AMOT: variants seen among roughly 807,000 people sequenced by gnomAD.
The protein encoded by AMOT is angiomotin.
Under a neutral mutation model 67.0 loss-of-function variants are expected in AMOT, and 11 were observed. The observed-to-expected ratio is 0.16, with a 90% CI of 0.10 to 0.27. AMOT has a LOEUF of 0.27. Among genes scored for constraint, AMOT ranks in the 10% least tolerant of loss-of-function variants. The pLI, the probability that AMOT is intolerant of heterozygous loss-of-function variation, is 1.00. For synonymous variants in AMOT, 326 were observed against 321.4 expected, an observed-to-expected ratio of 1.01 and a Z score of -0.15; for missense variants, 753 against 852.0, an observed-to-expected ratio of 0.88 and a Z score of 1.45.
At chrX:112,786,798 T>C (rs1933375118) in intron 10 of AMOT, among the ~76,000 whole-genome samples, 1 of 112,449 alleles carries the variant, frequency 8.9e-6, no homozygotes, top group Non-Finnish European at 1.9e-5. Flanking sequence ...ATTATCTAAA[T>C]AAAATGAAAG....
At chrX:112,795,246 C>CG (rs1933763484) in intron 8 of AMOT, among the ~76,000 whole-genome samples, 1 of 93,049 alleles carries the variant, frequency 1.1e-5, no homozygotes, top group African/African-American at 5.2e-5. Flanking sequence ...CTGTCTCTCT[C>CG]TCTGTGTGTG....
At chrX:112,802,791 G>C (rs1934055655) in intron 8 of AMOT, among the ~76,000 whole-genome samples, 1 of 112,351 alleles carries the variant, frequency 8.9e-6, no homozygotes, top group Non-Finnish European at 1.9e-5. Flanking sequence ...AAATCTCCAG[G>C]ACTAATGCCC....
At chrX:112,788,146 A>G (rs1277513321) in intron 10 of AMOT, among the ~76,000 whole-genome samples, 2 of 110,162 alleles carry the variant, frequency 1.8e-5, no homozygotes, top group African/African-American at 3.3e-5. Context: ...AAAATTAGCC[A>G]GGCGTGGTGG....
At chrX:112,786,603 T>C (rs1417855878) in intron 10 of AMOT, among the ~76,000 whole-genome samples, 1 of 112,118 alleles carries the variant, frequency 8.9e-6, no homozygotes, top group Non-Finnish European at 1.9e-5. Flanking sequence ...ATTTATAATA[T>C]TTCCAGGTAA....
At chrX:112,788,749 A>G (rs1031233836) in intron 10 of AMOT, among the ~76,000 whole-genome samples, 1 of 112,444 alleles carries the variant, frequency 8.9e-6, no homozygotes, top group Non-Finnish European at 1.9e-5. Context: ...CTGTGGAACT[A>G]TTGGAAAGTG....
Position 112,815,798 on chromosome X carries a change from C to A in AMOT, c.952G>T (p.Gly318Trp), listed in dbSNP as rs1368130180. 13 of 1,164,782 alleles carry A rather than the reference C, an allele frequency of 1.1e-5. No individual in the cohort carries two copies. The highest frequency in any genetic ancestry group is 1.8e-5 in the African/African-American group (1 of 55,224). Residue 318 changes from glycine to tryptophan, a missense_variant, in exon 5 of 14, where the codon GGG becomes TGG. Coordinates refer to ENST00000371959, the MANE Select transcript of AMOT (RefSeq NM_001113490.2). ...GGAGATTGTAGCAAGGGCAAGGACC[C>A]CCCAGAGGTCAGAGAAGAAGTAGGG... The part of the protein sequence containing the change: ...HSPTSSLTSG[G>W]SLPLLQSPPS...
intron 8 of AMOT, among the ~76,000 whole-genome samples, chrX:112,794,675 A>G (rs768526916): frequency 8.9e-6 from 1 of 112,439 alleles, no homozygotes; most frequent in Admixed American, 9.4e-5. Flanking sequence ...CTCCACTACT[A>G]TCTTGAACAT....
rs1602763476 is a variant in AMOT, at chrX:112,790,732, T to C, written c.1977A>G (p.Ala659=). The change falls in exon 10 of 14, where the codon GCA becomes GCG. Residue 659 remains alanine, a synonymous_variant. Coordinates refer to ENST00000371959, the MANE Select transcript of AMOT (RefSeq NM_001113490.2). The part of the protein sequence containing the change: ...PTNVSEYNAA[A]LMELLREKEE... ...CTTTCTCCCGAAGGAGCTCCATCAG[T>C]GCAGCAGCATTGTATTCTGAAACGT... 5.0e-6 allele frequency: 6 copies of C among 1,205,896 alleles called. No homozygotes were observed. The highest frequency in any genetic ancestry group is 1.8e-5 in the South Asian group (1 of 55,472).
chrX:112,779,376 G>GGCAGCAGCAGCAGCTGGAGCA lies in AMOT; in HGVS notation c.2757_2777dup (p.Ala920_Ala926dup), dbSNP rs1933046503. ...TAGCAGCGGCAGTGGCTGGAGACGG[G>GGCAGCAGCAGCAGCTGGAGCA]GCAGCAGCAGCAGCTGGAGCAGCAG... On this transcript the variant is annotated inframe_insertion, in exon 13 of 14. Transcript: ENST00000371959. The GGCAGCAGCAGCAGCTGGAGCA allele has an allele frequency of 6.0e-6, 6 of 1,008,115 alleles. No homozygotes were observed. The highest frequency in any genetic ancestry group is 6.6e-5 in the East Asian group (2 of 30,133). The allele number at this position is 1,008,115 out of a possible 1,213,427, so 83.1% of individuals were successfully genotyped here.
chrX:112,793,811 T>C (rs1933700972), intron 8 of AMOT, among the ~76,000 whole-genome samples: 2 of 112,116 alleles, frequency 1.8e-5, no homozygotes, highest in Non-Finnish European at 3.8e-5. Context: ...TCAAACTCTT[T>C]ACCTCAGTAA....
chrX:112,804,830 T>A, intron 8 of AMOT, 117 bp downstream of exon 8: 2 of 1,008,992 alleles, frequency 2.0e-6, no homozygotes, highest in Non-Finnish European at 2.7e-6. Flanking sequence ...GAGCAGCAGA[T>A]GGCACCTCCC....
At chrX:112,829,641 C>T (rs1934937079) in intron 2 of AMOT, among the ~76,000 whole-genome samples, 1 of 112,622 alleles carries the variant, frequency 8.9e-6, no homozygotes, top group Non-Finnish European at 1.9e-5. Context: ...TTAAGAACCA[C>T]AGCAAGGCCT....
At chrX:112,793,372 C>T (rs1933683498) in intron 8 of AMOT, among the ~76,000 whole-genome samples, 1 of 112,041 alleles carries the variant, frequency 8.9e-6, no homozygotes, top group South Asian at 3.7e-4. Flanking sequence ...ACCCACCCTA[C>T]CAGCATTGCC....
Position 112,823,424 on chromosome X carries a change from A to C in AMOT, c.-62-236T>G, listed in dbSNP as rs187301125. On this transcript the variant is annotated intron_variant, in intron 3 of 13. Transcript: ENST00000371959. Reference sequence around the variant, plus strand: ...ACTTTTAGCATGAGTTAAATATTCAATCTGGACTTAACTCCTAAGAATGCT... The same window carrying C: ...ACTTTTAGCATGAGTTAAATATTCACTCTGGACTTAACTCCTAAGAATGCT... Among the ~76,000 whole-genome samples, 458 of 111,826 alleles carry C rather than the reference A, an allele frequency of 4.1e-3. 1 individual carries two copies. The highest frequency in any genetic ancestry group is 0.014 in the African/African-American group (444 of 30,722).
intron 8 of AMOT, among the ~76,000 whole-genome samples, chrX:112,797,450 G>T (rs1720902691): frequency 9.0e-6 from 1 of 111,317 alleles, no homozygotes; most frequent in Admixed American, 9.6e-5. Context: ...CCTATAGACA[G>T]CTGCTATAAC....
chrX:112,810,318 T>C (rs1934319269), intron 6 of AMOT, among the ~76,000 whole-genome samples: 1 of 112,110 alleles, frequency 8.9e-6, no homozygotes, highest in Non-Finnish European at 1.9e-5. Flanking sequence ...TATTATAAAG[T>C]ATTTAAACTC....
chrX:112,825,430 G>C (rs1218280754), intron 2 of AMOT, among the ~76,000 whole-genome samples: 1 of 111,663 alleles, frequency 9.0e-6, no homozygotes, highest in Admixed American at 9.5e-5. Flanking sequence ...GGCCAGGCCA[G>C]TCTCCAGTGA....
rs932092543 is a variant in AMOT, at chrX:112,777,987, G to A, written c.*580C>T. On this transcript the variant is annotated 3_prime_UTR_variant, in exon 14 of 14. Transcript: ENST00000371959. ...CACAATTCCCTGGGGCAGGGTAGCT[G>A]GGAAACTGGAAGAAAAAATTAGCTC... is the stretch of plus-strand genomic sequence containing the variant. 3.6e-5 allele frequency: 4 copies of A among 112,135 alleles called. No individual in the cohort carries two copies. Among genetic ancestry groups the A allele is most frequent in the African/African-American group, 1.3e-4 (4 of 30,724 alleles). 9.2% of individuals were successfully genotyped at this position (112,135 alleles called of 1,213,427 possible).
In AMOT at chrX:112,840,789, G is replaced by A. The variant is rs1476049043; in HGVS notation, c.-626C>T. Reference sequence around the variant, plus strand: ...AGCCAGAAAGCTCCTCGGAAGGAAGGGGCGTGACTGCCAAGGCAGCTCCTG... The same window carrying A: ...AGCCAGAAAGCTCCTCGGAAGGAAGAGGCGTGACTGCCAAGGCAGCTCCTG... On this transcript the variant is annotated 5_prime_UTR_variant, in exon 1 of 14. Coordinates refer to ENST00000371959, the MANE Select transcript of AMOT (RefSeq NM_001113490.2). 8.8e-6 allele frequency: 1 copy of A among 113,102 alleles called. No homozygotes were observed. The highest frequency in any genetic ancestry group is 3.2e-5 in the African/African-American group (1 of 31,124). The allele number at this position is 113,102 out of a possible 1,213,427, so 9.3% of individuals were successfully genotyped here. A position where few individuals can be genotyped will look rare whatever the true frequency, so the allele number is the denominator to read the frequency against.
Sources: gnomAD v4.1 joint callset for allele counts (sites outside exome capture counted in the v4.1 genomes callset) on GRCh38, gnomAD v4.1.1 for gene constraint, MANE v1.5 for transcripts, NCBI Gene and HGNC (gene_info 2026-07-23, HGNC 2026-07-21) for gene names.